The following CPNE4 variants were observed in gnomAD, a reference collection of about 807,000 sequenced individuals.
CPNE4 encodes the protein copine-4.
A neutral mutation model predicts 67.9 loss-of-function variants in CPNE4; 25 were observed. That is an observed-to-expected ratio of 0.37 (90% CI 0.27 to 0.51). The LOEUF (loss-of-function observed/expected upper bound fraction) is 0.51. CPNE4 is among the 20% of genes least tolerant of loss of function. The pLI is 0.93. For synonymous variants in CPNE4, 242 were observed against 244.9 expected, an observed-to-expected ratio of 0.99 and a Z score of 0.11; for missense variants, 464 against 690.8, an observed-to-expected ratio of 0.67 and a Z score of 3.68.
chr3:131,770,314 C>T (rs2083133817), intron 2 of CPNE4, among the ~76,000 whole-genome samples: 2 of 152,198 alleles, frequency 1.3e-5, no homozygotes, highest in African/African-American at 4.8e-5. Context: ...CAACAATAAC[C>T]ATCACTGCCT....
At chr3:131,808,034 G>A (rs965886396) in intron 2 of CPNE4, among the ~76,000 whole-genome samples, 2 of 152,162 alleles carry the variant, frequency 1.3e-5, no homozygotes, top group African/African-American at 2.4e-5. Context: ...TGAACTGAAA[G>A]TAACCATAGC....
At chr3:131,789,865 A>T (rs1221241369) in intron 2 of CPNE4, among the ~76,000 whole-genome samples, 2 of 152,148 alleles carry the variant, frequency 1.3e-5, no homozygotes, top group Non-Finnish European at 2.9e-5. Context: ...GCAACCTTAG[A>T]AGCACAAAGA....
chr3:132,002,421 C>T, intron 1 of CPNE4, among the ~76,000 whole-genome samples: 1 of 152,084 alleles, frequency 6.6e-6, no homozygotes, highest in East Asian at 1.9e-4. Flanking sequence ...CAGTGAAGTT[C>T]CAGAGGATTT....
Position 131,851,426 on chromosome 3 carries a change from G to A in CPNE4, c.180+53838C>T, listed in dbSNP as rs555060701. ...AAATATAACAAGCTGAAAAAAATCA[G>A]GATTAGACAACTATAAAACATAGAT... is the stretch of plus-strand genomic sequence containing the variant. On this transcript the variant is annotated intron_variant, in intron 2 of 15. Coordinates refer to ENST00000429747, the MANE Select transcript of CPNE4 (RefSeq NM_130808.3). 4.7e-4 allele frequency among the ~76,000 whole-genome samples: 72 copies of A among 152,066 alleles called. 1 individual carries two copies. Among genetic ancestry groups the A allele is most frequent in the African/African-American group, 1.4e-3 (57 of 41,522 alleles).
At chr3:131,729,127 A>C (rs1317059903) in intron 2 of CPNE4, among the ~76,000 whole-genome samples, 1 of 152,158 alleles carries the variant, frequency 6.6e-6, no homozygotes, top group African/African-American at 2.4e-5. Context: ...GAATGCTCTA[A>C]GGTTTCCTGG....
intron 2 of CPNE4, among the ~76,000 whole-genome samples, chr3:131,847,922 G>A (rs866346628): frequency 6.6e-6 from 1 of 152,144 alleles, no homozygotes; most frequent in Non-Finnish European, 1.5e-5. Flanking sequence ...TCTGACCTCA[G>A]TGCAACTGTG....
chr3:131,697,885 T>C (rs2081191021), intron 4 of CPNE4, among the ~76,000 whole-genome samples: 1 of 152,148 alleles, frequency 6.6e-6, no homozygotes, highest in Admixed American at 6.5e-5. Flanking sequence ...CTAGAAGCTA[T>C]TAAAGCCAAT....
intron 1 of CPNE4, among the ~76,000 whole-genome samples, chr3:131,927,749 T>C (rs1479774720): frequency 1.3e-5 from 2 of 152,200 alleles, no homozygotes; most frequent in African/African-American, 4.8e-5. Context: ...GAGTTTCATT[T>C]TTTTCTCTGC....
chr3:131,671,263 C>T (rs1435104141), intron 6 of CPNE4, among the ~76,000 whole-genome samples: 1 of 152,004 alleles, frequency 6.6e-6, no homozygotes, highest in African/African-American at 2.4e-5. Context: ...TGTTCTAGTA[C>T]ACTTAGGATG....
chr3:131,749,249 G>T (rs1334440573), intron 2 of CPNE4, among the ~76,000 whole-genome samples: 4 of 152,098 alleles, frequency 2.6e-5, no homozygotes, highest in Non-Finnish European at 5.9e-5. Flanking sequence ...TGTTTTTCAA[G>T]TGAAGATTTT....
At chr3:131,662,936 A>G (rs938920512) in intron 7 of CPNE4, among the ~76,000 whole-genome samples, 2 of 152,194 alleles carry the variant, frequency 1.3e-5, no homozygotes, top group Non-Finnish European at 1.5e-5. Flanking sequence ...CAGAAATACC[A>G]TTTGACCCAG....
intron 2 of CPNE4, among the ~76,000 whole-genome samples, chr3:131,784,239 C>T (rs2083496729): frequency 6.6e-6 from 1 of 151,914 alleles, no homozygotes; most frequent in African/African-American, 2.4e-5. Flanking sequence ...ACTTCCTAGC[C>T]CTTTGTTCTA....
At chr3:131,940,845 C>A (rs536702730) in intron 1 of CPNE4, among the ~76,000 whole-genome samples, 2 of 152,086 alleles carry the variant, frequency 1.3e-5, no homozygotes, top group Non-Finnish European at 1.5e-5. Context: ...CAAGCTGACC[C>A]TTTTTAGCAG....
intron 7 of CPNE4, among the ~76,000 whole-genome samples, chr3:131,591,790 G>A (rs888329210): frequency 6.6e-6 from 1 of 152,118 alleles, no homozygotes; most frequent in African/African-American, 2.4e-5. Context: ...GCATGAAGCT[G>A]GCTTATGACA....
intron 3 of CPNE4, among the ~76,000 whole-genome samples, chr3:131,719,978 C>A (rs2107739715): frequency 6.6e-6 from 1 of 152,300 alleles, no homozygotes; most frequent in East Asian, 1.9e-4. Context: ...AGGATTCACT[C>A]TTGAGCTAGG....
chr3:131,696,887 C>A (rs2107697153), intron 4 of CPNE4, among the ~76,000 whole-genome samples: 1 of 152,178 alleles, frequency 6.6e-6, no homozygotes, highest in South Asian at 2.1e-4. Flanking sequence ...AATAGAAGAG[C>A]AGTTTGGAAG....
chr3:131,608,942 C>A (rs1184059992), intron 7 of CPNE4, among the ~76,000 whole-genome samples: 1 of 152,144 alleles, frequency 6.6e-6, no homozygotes, highest in East Asian at 1.9e-4. Context: ...ATGTCAGGGC[C>A]TTGGCACATG....
intron 2 of CPNE4, among the ~76,000 whole-genome samples, chr3:131,872,172 A>ATG (rs2087240595): frequency 1.3e-5 from 2 of 150,934 alleles, no homozygotes; most frequent in Non-Finnish European, 3.0e-5. Context: ...GTGTGTATGC[A>ATG]TGTGTGTGCG....
At chr3:131,668,995 G>A (rs2080331120) in intron 7 of CPNE4, among the ~76,000 whole-genome samples, 1 of 152,036 alleles carries the variant, frequency 6.6e-6, no homozygotes, top group African/African-American at 2.4e-5. Flanking sequence ...CCTAGACTGT[G>A]GAGGAAGTGA....
Sources: gnomAD v4.1 joint callset for allele counts (sites outside exome capture counted in the v4.1 genomes callset) on GRCh38, gnomAD v4.1.1 for gene constraint, MANE v1.5 for transcripts, NCBI Gene and HGNC (gene_info 2026-07-23, HGNC 2026-07-21) for gene names.